NECAB1: variants seen among roughly 807,000 people sequenced by gnomAD.
NECAB1 encodes N-terminal EF-hand calcium-binding protein 1.
A neutral mutation model predicts 57.5 loss-of-function variants in NECAB1; 29 were observed. The observed-to-expected ratio is 0.50, with a 90% confidence interval of 0.38 to 0.69. The LOEUF is 0.69. NECAB1 is among the 30% of genes least tolerant of loss of function. The pLI is 0.00. For missense variants in NECAB1, 372 were observed against 413.8 expected, an observed-to-expected ratio of 0.90 and a Z score of 0.88; for synonymous variants, 142 against 147.7, an observed-to-expected ratio of 0.96 and a Z score of 0.28.
intron 6 of NECAB1, among the ~76,000 whole-genome samples, chr8:90,921,466 C>T (rs527793887): frequency 2.6e-5 from 4 of 151,990 alleles, no homozygotes; most frequent in Admixed American, 1.3e-4. Context: ...GTCAGGAGTT[C>T]GAGACCAGCC....
Position 90,791,979 on chromosome 8 carries a change from C to T in NECAB1, c.93C>T (p.Phe31=), listed in dbSNP as rs1181079241. The change falls in exon 1 of 13, where the codon TTC becomes TTT. Residue 31 remains phenylalanine (F), a synonymous_variant. Transcript: ENST00000417640. The stretch of plus-strand genomic sequence containing the variant: ...ACCTGTCCAAGGGCATGTCGATCTT[C>T]CTCGACGTAAGTACAGATGGTGGGA... ...ALHLSKGMSI[F]LDILRRADKN... The T allele has an allele frequency of 6.4e-7, 1 of 1,551,860 alleles. No homozygotes were observed. Among genetic ancestry groups the T allele is most frequent in the Non-Finnish European group, 8.7e-7 (1 of 1,147,036 alleles).
At chr8:90,925,126 T>C (rs1348208586) in intron 6 of NECAB1, among the ~76,000 whole-genome samples, 1 of 152,092 alleles carries the variant, frequency 6.6e-6, no homozygotes, top group Non-Finnish European at 1.5e-5. Context: ...ATAAGATTTA[T>C]AGAATCATTT....
At chr8:90,833,387 T>TC (rs1204188984) in intron 3 of NECAB1, among the ~76,000 whole-genome samples, 9 of 123,526 alleles carry the variant, frequency 7.3e-5, no homozygotes, top group South Asian at 2.6e-4. Context: ...CATCTATTCC[T>TC]CCCAAAAAAA....
At chr8:90,838,799 A>G (rs1336573111) in intron 3 of NECAB1, among the ~76,000 whole-genome samples, 2 of 152,186 alleles carry the variant, frequency 1.3e-5, no homozygotes, top group African/African-American at 4.8e-5. Flanking sequence ...TATATTTCCA[A>G]ACTCATGACA....
At chr8:90,851,994 C>A (rs1235940151) in intron 3 of NECAB1, among the ~76,000 whole-genome samples, 2 of 152,136 alleles carry the variant, frequency 1.3e-5, no homozygotes, top group Non-Finnish European at 2.9e-5. Flanking sequence ...AGTACACAGG[C>A]TCCAATGTCA....
At chr8:90,894,564 G>A (rs1809276831) in intron 5 of NECAB1, among the ~76,000 whole-genome samples, 1 of 152,128 alleles carries the variant, frequency 6.6e-6, no homozygotes, top group Non-Finnish European at 1.5e-5. Flanking sequence ...GCATGTAGGG[G>A]GTCTAGTACT....
At chr8:90,932,461 T>C (rs1476713977) in intron 8 of NECAB1, among the ~76,000 whole-genome samples, 1 of 152,088 alleles carries the variant, frequency 6.6e-6, no homozygotes, top group African/African-American at 2.4e-5. Context: ...TAATGGAAAG[T>C]GCTATAAAGA....
intron 5 of NECAB1, among the ~76,000 whole-genome samples, chr8:90,909,232 A>G (rs1054070566): frequency 1.3e-5 from 2 of 151,738 alleles, no homozygotes; most frequent in African/African-American, 4.8e-5. Flanking sequence ...TGATCAGCAA[A>G]CTCCAGCCAT....
intron 4 of NECAB1, among the ~76,000 whole-genome samples, chr8:90,873,433 A>G (rs1808656229): frequency 6.6e-6 from 1 of 152,224 alleles, no homozygotes; most frequent in Non-Finnish European, 1.5e-5. Flanking sequence ...TATGATGAAT[A>G]GCAGTCACCA....
intron 3 of NECAB1, among the ~76,000 whole-genome samples, chr8:90,851,211 A>G (rs1316214373): frequency 2.0e-5 from 3 of 152,226 alleles, no homozygotes; most frequent in Admixed American, 6.5e-5. Flanking sequence ...TTGGGCATCT[A>G]TTCCATTTGG....
intron 4 of NECAB1, among the ~76,000 whole-genome samples, chr8:90,878,966 CTG>C (rs1808779900): frequency 7.1e-6 from 1 of 141,474 alleles, no homozygotes; most frequent in Non-Finnish European, 1.5e-5. Context: ...TAACTAATCA[CTG>C]TCTCTCTCTC....
chr8:90,835,926 G>A (rs574414912), intron 3 of NECAB1, among the ~76,000 whole-genome samples: 18 of 152,320 alleles, frequency 1.2e-4, no homozygotes, highest in Non-Finnish European at 2.2e-4. Context: ...CATAGAAAGA[G>A]TAATGCCATT....
chr8:90,941,189 A>G (rs1398165876), intron 10 of NECAB1, among the ~76,000 whole-genome samples: 2 of 152,254 alleles, frequency 1.3e-5, no homozygotes, highest in Non-Finnish European at 2.9e-5. Flanking sequence ...TGAATTTCAA[A>G]TAAGTTGAAA....
intron 3 of NECAB1, among the ~76,000 whole-genome samples, chr8:90,847,731 G>A (rs1174675654): frequency 2.6e-5 from 4 of 152,222 alleles, no homozygotes; most frequent in Admixed American, 6.5e-5. Flanking sequence ...AGCCACCAAG[G>A]CTTGGGGCTT....
chr8:90,826,657 T>C (rs1434810723), intron 3 of NECAB1, among the ~76,000 whole-genome samples: 1 of 151,898 alleles, frequency 6.6e-6, no homozygotes, highest in Non-Finnish European at 1.5e-5. Context: ...TTGAAAGCCA[T>C]AATAGTTCCA....
intron 1 of NECAB1, 50 bp from the exon 2 acceptor site, chr8:90,801,641 G>A (rs1811759960): frequency 2.6e-6 from 3 of 1,166,244 alleles, no homozygotes; most frequent in Non-Finnish European, 2.5e-6. Flanking sequence ...AACGTTCGTT[G>A]CAATATTTAT....
intron 3 of NECAB1, among the ~76,000 whole-genome samples, chr8:90,830,395 G>A (rs551199503): frequency 2.8e-4 from 43 of 152,144 alleles, no homozygotes; most frequent in African/African-American, 1.0e-3. Flanking sequence ...TACACAGGAA[G>A]GAACAAGAAA....
chr8:90,891,309 T>G (rs1809160319), intron 5 of NECAB1, among the ~76,000 whole-genome samples: 1 of 152,200 alleles, frequency 6.6e-6, no homozygotes, highest in African/African-American at 2.4e-5. Context: ...AGGAAAGCTT[T>G]ACTTCTCTCA....
At chr8:90,940,486 T>G in intron 9 of NECAB1, 1 of 270,562 alleles carries the variant, frequency 3.7e-6, no homozygotes, top group African/African-American at 2.1e-5. Context: ...CTCCCAGAGA[T>G]TTTGATATAA....
Sources: gnomAD v4.1 joint callset for allele counts (sites outside exome capture counted in the v4.1 genomes callset) on GRCh38, gnomAD v4.1.1 for gene constraint, MANE v1.5 for transcripts, NCBI Gene and HGNC (gene_info 2026-07-23, HGNC 2026-07-21) for gene names.